The following BCAS3 variants were observed in gnomAD, a reference collection of about 807,000 sequenced individuals.
The protein encoded by BCAS3 is BCAS4/BCAS3 fusion.
BCAS3 carries 53 observed loss-of-function variants against 116.1 expected under a neutral mutation model. That is an observed-to-expected ratio of 0.46 (90% confidence interval 0.37 to 0.57). The LOEUF (loss-of-function observed/expected upper bound fraction) is 0.57. BCAS3 is among the 20% of genes least tolerant of loss of function. The probability of loss-of-function intolerance (pLI) is 0.00; values close to 1 mark genes in which losing one functional copy is unlikely to be tolerated. For missense variants in BCAS3, 917 were observed against 1,165.4 expected, an observed-to-expected ratio of 0.79 and a Z score of 3.10; for synonymous variants, 391 against 408.2, an observed-to-expected ratio of 0.96 and a Z score of 0.51.
At chr17:61,055,910 A>G (rs2069331306) in intron 19 of BCAS3, among the ~76,000 whole-genome samples, 2 of 152,210 alleles carry the variant, frequency 1.3e-5, no homozygotes, top group Admixed American at 1.3e-4. Flanking sequence ...AGCCTTGGAT[A>G]TAGTGAATGG....
intron 14 of BCAS3, among the ~76,000 whole-genome samples, chr17:60,959,663 A>G (rs938567236): frequency 6.6e-6 from 1 of 152,188 alleles, no homozygotes; most frequent in Non-Finnish European, 1.5e-5. Context: ...TATAAAATTC[A>G]TGTTGTTCAG....
chr17:60,994,890 G>T lies in BCAS3; in HGVS notation c.1486+4655G>T, dbSNP rs907579511. ...TAATATGCAGGTTATTCATTGACATGTCTGGGCTTCCTATTAGATTGACTT... is the reference window on the plus strand; with the variant it reads ...TAATATGCAGGTTATTCATTGACATTTCTGGGCTTCCTATTAGATTGACTT... On this transcript the variant is annotated intron_variant, in intron 15 of 23. Coordinates refer to ENST00000407086, the MANE Select transcript of BCAS3 (RefSeq NM_017679.5). This position sits in a 1 kb window ranked among gnomAD's most constrained non-coding sequence, Gnocchi z 4.4. Among the ~76,000 whole-genome samples, 1 of 152,142 alleles carries T rather than the reference G, an allele frequency of 6.6e-6. No individual in the cohort carries two copies. Among genetic ancestry groups the T allele is most frequent in the Non-Finnish European group, 1.5e-5 (1 of 68,026 alleles).
intron 5 of BCAS3, among the ~76,000 whole-genome samples, chr17:60,712,897 G>C (rs1385936866): frequency 1.3e-5 from 2 of 152,192 alleles, no homozygotes; most frequent in Admixed American, 1.3e-4. Flanking sequence ...TGGGCCCAAA[G>C]AGCAGAAAAT....
intron 2 of BCAS3, among the ~76,000 whole-genome samples, chr17:60,681,068 T>C (rs2033015913): frequency 6.6e-6 from 1 of 152,062 alleles, no homozygotes; most frequent in Admixed American, 6.6e-5. Flanking sequence ...AGCCAGGCAT[T>C]GTGGCAGGCG....
intron 7 of BCAS3, among the ~76,000 whole-genome samples, chr17:60,863,678 C>A (rs534162000): frequency 6.6e-6 from 1 of 152,094 alleles, no homozygotes; most frequent in South Asian, 2.1e-4. Context: ...TGCTTGAGAT[C>A]AGGAATTAGA....
At chr17:61,320,834 G>A (rs1249765781) in intron 22 of BCAS3, among the ~76,000 whole-genome samples, 2 of 152,134 alleles carry the variant, frequency 1.3e-5, no homozygotes, top group Non-Finnish European at 2.9e-5. Flanking sequence ...CTTAAGTAGT[G>A]TAGAGGGTTT....
In BCAS3 at chr17:61,359,233, A is replaced by C. The variant is rs144997279; in HGVS notation, c.2426-9094A>C. On this transcript the variant is annotated intron_variant, in intron 22 of 23. Transcript: ENST00000407086. The stretch of plus-strand genomic sequence containing the variant: ...CCACTGCCCCAAAGAAGAGCTGCTT[A>C]CAGAGCCCTGGGGTAATCCTCTAAT... Among the ~76,000 whole-genome samples the C allele has an allele frequency of 7.0e-3, 1,070 of 152,294 alleles. 12 individuals are homozygous for C. Among genetic ancestry groups the C allele is most frequent in the African/African-American group, 0.024 (1,006 of 41,558 alleles).
chr17:60,986,751 A>G (rs1286565128), intron 14 of BCAS3: 1 of 152,136 alleles, frequency 6.6e-6, no homozygotes, highest in Non-Finnish European at 1.5e-5. Context: ...TGTCAGATGG[A>G]CAGTTTATAA....
intron 19 of BCAS3, among the ~76,000 whole-genome samples, chr17:61,045,010 C>T (rs1453761183): frequency 6.6e-6 from 1 of 151,950 alleles, no homozygotes; most frequent in African/African-American, 2.4e-5. Context: ...TCCACCCCGT[C>T]TCTGCCTCCC....
chr17:60,729,809 G>A lies in BCAS3; in HGVS notation c.322-17389G>A, dbSNP rs188374788. On this transcript the variant is annotated intron_variant, in intron 5 of 23. Coordinates refer to ENST00000407086, the MANE Select transcript of BCAS3 (RefSeq NM_017679.5). The stretch of plus-strand genomic sequence containing the variant: ...TTTTCAATTGAACACCTATCAGCTT[G>A]TAATAAAATAATAAAGAGAATCCAG... Among the ~76,000 whole-genome samples the A allele has an allele frequency of 6.2e-4, 95 of 152,272 alleles. 1 individual carries two copies. Among genetic ancestry groups the A allele is most frequent in the African/African-American group, 2.0e-3 (82 of 41,564 alleles).
chr17:60,868,648 T>C lies in BCAS3; in HGVS notation c.549T>C (p.Phe183=). 6.2e-7 allele frequency: 1 copy of C among 1,603,016 alleles called. No homozygotes were observed. Among genetic ancestry groups the C allele is most frequent in the South Asian group, 1.1e-5 (1 of 89,230 alleles). The change falls in exon 8 of 24, where the codon TTT becomes TTC. Residue 183 remains phenylalanine (F), a synonymous_variant. Coordinates refer to ENST00000407086, the MANE Select transcript of BCAS3 (RefSeq NM_017679.5). ...GGGAGATGGTCAAGTCCATTCAATT[T>C]AAGACACCTATTTATGATCTCCATT... is the stretch of plus-strand genomic sequence containing the variant. ...RTGEMVKSIQ[F]KTPIYDLHCN... is the part of the protein sequence containing the mutation.
rs1298094111 is a variant in BCAS3, at chr17:61,315,241, A to T, written c.2426-53086A>T. ...GCAATTCTCGTGTCTCAGCCTCCCA[A>T]GTAGCTGGGATTATAGGCGCCCACC... is the stretch of plus-strand genomic sequence containing the variant. On this transcript the variant is annotated intron_variant, in intron 22 of 23. Transcript: ENST00000407086. This position sits in a 1 kb window ranked among gnomAD's most constrained non-coding sequence, Gnocchi z 5.3. Among the ~76,000 whole-genome samples, 1 of 151,940 alleles carries T rather than the reference A, an allele frequency of 6.6e-6. No homozygotes were observed. Among genetic ancestry groups the T allele is most frequent in the Non-Finnish European group, 1.5e-5 (1 of 67,990 alleles).
intron 22 of BCAS3, among the ~76,000 whole-genome samples, chr17:61,207,707 C>T (rs2081224062): frequency 6.6e-6 from 1 of 152,100 alleles, no homozygotes. Context: ...CTTAGCCTCC[C>T]ACCCAAATTT....
At chr17:61,184,020 C>T (rs1434330387) in intron 22 of BCAS3, among the ~76,000 whole-genome samples, 4 of 152,208 alleles carry the variant, frequency 2.6e-5, no homozygotes, top group South Asian at 2.1e-4. Context: ...GTGGAAAAGC[C>T]GGTTTTCAAC....
intron 22 of BCAS3, among the ~76,000 whole-genome samples, chr17:61,163,477 ATTC>A (rs2078292145): frequency 6.6e-6 from 1 of 152,108 alleles, no homozygotes; most frequent in South Asian, 2.1e-4. Context: ...TAACAGATCA[ATTC>A]TTCTCAACTA....
rs146891964 is a variant in BCAS3 at position 61,007,232 on chromosome 17, A to T, written c.1487-8519A>T. On this transcript the variant is annotated intron_variant, in intron 15 of 23. Transcript: ENST00000407086. This position sits in a 1 kb window ranked among gnomAD's most constrained non-coding sequence, Gnocchi z 4.3. ...TTATAAACATTGTTTCTAACTGTTGATTTCATCTCCTTTTCTAGGGAATTT... is the reference window on the plus strand; with the variant it reads ...TTATAAACATTGTTTCTAACTGTTGTTTTCATCTCCTTTTCTAGGGAATTT... 6.6e-5 allele frequency among the ~76,000 whole-genome samples: 10 copies of T among 151,852 alleles called. No individual in the cohort carries two copies. The highest frequency in any genetic ancestry group is 1.5e-4 in the Non-Finnish European group (10 of 67,870).
At chr17:60,913,777 T>A (rs140315699) in intron 12 of BCAS3, among the ~76,000 whole-genome samples, 6 of 152,296 alleles carry the variant, frequency 3.9e-5, no homozygotes, top group African/African-American at 1.4e-4. Context: ...ATCCTTCTGA[T>A]GCCATATTGA....
rs2063739632 is a variant in BCAS3 at position 60,994,874 on chromosome 17, G to C, written c.1486+4639G>C. Among the ~76,000 whole-genome samples, 1 of 152,154 alleles carries C rather than the reference G, an allele frequency of 6.6e-6. No homozygotes were observed. Among genetic ancestry groups the C allele is most frequent in the African/African-American group, 2.4e-5 (1 of 41,442 alleles). On this transcript the variant is annotated intron_variant, in intron 15 of 23. Transcript: ENST00000407086. The surrounding 1 kb of genome is among the most constrained non-coding windows in gnomAD (Gnocchi z 4.4). ...TACTTTTATCATATTATAATATGCA[G>C]GTTATTCATTGACATGTCTGGGCTT...
rs1016031280 is a variant in BCAS3, at chr17:61,008,573, A to G, written c.1487-7178A>G. Among the ~76,000 whole-genome samples the G allele has an allele frequency of 1.3e-5, 2 of 151,566 alleles. No homozygotes were observed. Among genetic ancestry groups the G allele is most frequent in the African/African-American group, 4.9e-5 (2 of 40,988 alleles). On this transcript the variant is annotated intron_variant, in intron 15 of 23. Coordinates refer to ENST00000407086, the MANE Select transcript of BCAS3 (RefSeq NM_017679.5). This position sits in a 1 kb window ranked among gnomAD's most constrained non-coding sequence, Gnocchi z 4.6. ...AGAAGTCAGAGCTTTTCAACTACAGAATTAACTTAGTTAAACTCCTTGGTA... is the reference window on the plus strand; with the variant it reads ...AGAAGTCAGAGCTTTTCAACTACAGGATTAACTTAGTTAAACTCCTTGGTA...
Sources: gnomAD v4.1 joint callset for allele counts (sites outside exome capture counted in the v4.1 genomes callset) on GRCh38, gnomAD v4.1.1 for gene constraint, Gnocchi (gnomAD v3.1) non-coding constraint, MANE v1.5 for transcripts, NCBI Gene and HGNC (gene_info 2026-07-23, HGNC 2026-07-21) for gene names.